Variants in TMC1 observed in about 807,000 individuals in gnomAD.
TMC1 encodes the protein transmembrane channel like 1, also known as transmembrane channel-like protein 1.
Under a neutral mutation model 105.8 loss-of-function variants are expected in TMC1, and 84 were observed. That is an observed-to-expected ratio of 0.79 (90% CI 0.67 to 0.95). TMC1 has a LOEUF of 0.95. Ranked by LOEUF, TMC1 falls within the 40% of genes least tolerant of loss-of-function variation. TMC1 has a pLI of 0.00. For missense variants in TMC1, 817 were observed against 914.1 expected, an observed-to-expected ratio of 0.89 and a Z score of 1.37; for synonymous variants, 315 against 311.5, an observed-to-expected ratio of 1.01 and a Z score of -0.12.
chr9:72,766,416 CAAAAA>C (rs397894474), intron 12 of TMC1, among the ~76,000 whole-genome samples: 3 of 68,632 alleles, frequency 4.4e-5, no homozygotes, highest in African/African-American at 5.2e-5. Context: ...GACTCTGTCT[CAAAAA>C]AAAAAAAAAA....
chr9:72,557,439 T>A (rs6560286), intron 1 of TMC1, among the ~76,000 whole-genome samples: 79,997 of 152,052 alleles, frequency 0.53, 22,028 homozygotes, highest in African/African-American at 0.7. Flanking sequence ...GGGATTATGA[T>A]AATTGTTTCT....
chr9:72,808,871 G>A (rs74521140), intron 18 of TMC1: 1 of 152,304 alleles, frequency 6.6e-6, no homozygotes, highest in Non-Finnish European at 1.5e-5. Flanking sequence ...CAAGATTTCA[G>A]GCTAGATCTG....
Position 72,788,356 on chromosome 9 carries a change from G to C in TMC1, c.902G>C (p.Gly301Ala), listed in dbSNP as rs773751182. The C allele has an allele frequency of 6.2e-7, 1 of 1,613,998 alleles. No individual in the cohort carries two copies. Among genetic ancestry groups the C allele is most frequent in the South Asian group, 1.1e-5 (1 of 91,074 alleles). Residue 301 changes from glycine to alanine, a missense_variant, in exon 14 of 24, where the codon GGT becomes GCT. Gly to Ala is a moderately conservative substitution (Grantham distance 60). Coordinates refer to ENST00000297784, the MANE Select transcript of TMC1 (RefSeq NM_138691.3). ...TTTTGCAGAATGACCAAAAACATTG[G>C]TGATGATGGAGGTGGAGATGACAAC... ...VVLKAMTKNIGDDGGGDDNTF... is the reference protein window; with the variant it reads ...VVLKAMTKNIADDGGGDDNTF...
chr9:72,698,055 T>C (rs913941269), intron 7 of TMC1, among the ~76,000 whole-genome samples: 2 of 151,546 alleles, frequency 1.3e-5, no homozygotes, highest in Admixed American at 1.3e-4. Flanking sequence ...AAAAAAAAAA[T>C]TGTGGATATA....
At chr9:72,538,451 T>TGTATCATA (rs1564397043) in intron 1 of TMC1, among the ~76,000 whole-genome samples, 2 of 146,942 alleles carry the variant, frequency 1.4e-5, no homozygotes, top group Admixed American at 7.0e-5. Flanking sequence ...TGTATCGTAT[T>TGTATCATA]TTTGAGACAG....
intron 2 of TMC1, among the ~76,000 whole-genome samples, chr9:72,611,921 T>C (rs1825031227): frequency 6.6e-6 from 1 of 152,150 alleles, no homozygotes. Flanking sequence ...TGTCCCGCTC[T>C]GTCCCCCACG....
intron 12 of TMC1, among the ~76,000 whole-genome samples, chr9:72,761,887 A>G (rs1032933938): frequency 6.6e-6 from 1 of 152,232 alleles, no homozygotes; most frequent in South Asian, 2.1e-4. Flanking sequence ...GTGGAATAAC[A>G]CATCTTTTGT....
At position 72,802,259 on chromosome 9, in the gene TMC1, A is replaced by T. The variant is rs188446849; in HGVS notation, c.1567-3123A>T. On this transcript the variant is annotated intron_variant, in intron 17 of 23. Transcript: ENST00000297784. Reference sequence around the variant, plus strand: ...CATACATACATACATACATATATACATACATACATACATACATACATACAT... The same window carrying T: ...CATACATACATACATACATATATACTTACATACATACATACATACATACAT... Among the ~76,000 whole-genome samples, 475 of 101,584 alleles carry T rather than the reference A, an allele frequency of 4.7e-3. 3 individuals are homozygous for T. The highest frequency in any genetic ancestry group is 0.019 in the African/African-American group (445 of 23,690). 66.6% of individuals were successfully genotyped at this position (101,584 alleles called of 152,430 possible). A position where few individuals can be genotyped will look rare whatever the true frequency, so the allele number is the denominator to read the frequency against.
In TMC1 at chr9:72,811,348, CAATGTAAGTTAATGT is replaced by C. The variant is rs545156191; in HGVS notation, c.1696-4779_1696-4765del. 2.6e-4 allele frequency among the ~76,000 whole-genome samples: 39 copies of C among 152,148 alleles called. No individual in the cohort carries two copies. In the South Asian group the frequency reaches 7.9e-3, roughly 31 times the overall value. On this transcript the variant is annotated intron_variant, in intron 18 of 23. Coordinates refer to ENST00000297784, the MANE Select transcript of TMC1 (RefSeq NM_138691.3). The stretch of plus-strand genomic sequence containing the variant: ...ACTGGCTTGGAGCAGATTACCAGAC[CAATGTAAGTTAATGT>C]AATGTAAGTTAATGTCTCCAAAGGC...
At chr9:72,600,897 G>A (rs1327800516) in intron 2 of TMC1, among the ~76,000 whole-genome samples, 2 of 152,250 alleles carry the variant, frequency 1.3e-5, no homozygotes, top group African/African-American at 2.4e-5. Flanking sequence ...CTGAGAACTG[G>A]CATTTCTGAC....
chr9:72,539,588 C>G (rs1463680845), intron 1 of TMC1, among the ~76,000 whole-genome samples: 1 of 152,128 alleles, frequency 6.6e-6, no homozygotes, highest in Non-Finnish European at 1.5e-5. Context: ...GAGACCTGCT[C>G]AGCCTTGCCT....
chr9:72,627,366 C>T (rs1451132541), intron 3 of TMC1, among the ~76,000 whole-genome samples: 1 of 152,086 alleles, frequency 6.6e-6, no homozygotes, highest in Non-Finnish European at 1.5e-5. Context: ...CAGTGGGGGT[C>T]AAGGCCTCCT....
At chr9:72,529,706 G>A (rs1823465947) in intron 1 of TMC1, among the ~76,000 whole-genome samples, 1 of 149,854 alleles carries the variant, frequency 6.7e-6, no homozygotes, top group Admixed American at 6.6e-5. Flanking sequence ...GGTTTTCACT[G>A]CCTTTGGGAA....
chr9:72,826,120 C>A (rs1178054785), intron 20 of TMC1, among the ~76,000 whole-genome samples: 1 of 152,182 alleles, frequency 6.6e-6, no homozygotes, highest in African/African-American at 2.4e-5. Flanking sequence ...AAAATTACAT[C>A]TTTTCGTAGT....
intron 17 of TMC1, among the ~76,000 whole-genome samples, chr9:72,798,280 G>C (rs947242683): frequency 3.3e-5 from 5 of 152,150 alleles, no homozygotes; most frequent in African/African-American, 1.2e-4. Context: ...ATGTAAAATA[G>C]TTCAACCATT....
intron 1 of TMC1, among the ~76,000 whole-genome samples, chr9:72,525,034 G>T (rs1374096199): frequency 6.6e-6 from 1 of 152,170 alleles, no homozygotes; most frequent in Non-Finnish European, 1.5e-5. Flanking sequence ...GAAAGATACG[G>T]TCCAGAAGGC....
At chr9:72,639,120 A>G (rs1268950795) in intron 4 of TMC1, among the ~76,000 whole-genome samples, 2 of 152,196 alleles carry the variant, frequency 1.3e-5, no homozygotes, top group East Asian at 1.9e-4. Flanking sequence ...GTGAAGTTAT[A>G]TAAATGTGTA....
At chr9:72,711,340 C>T (rs1826831532) in intron 8 of TMC1, among the ~76,000 whole-genome samples, 2 of 152,154 alleles carry the variant, frequency 1.3e-5, no homozygotes, top group Non-Finnish European at 2.9e-5. Flanking sequence ...GAGGAATTGC[C>T]ACACTGTCTT....
intron 17 of TMC1, among the ~76,000 whole-genome samples, chr9:72,797,414 A>G (rs1467353704): frequency 6.6e-6 from 1 of 152,202 alleles, no homozygotes; most frequent in East Asian, 1.9e-4. Flanking sequence ...TAGCCAAGAC[A>G]ATCCAAAGAA....
Sources: gnomAD v4.1 joint callset for allele counts (sites outside exome capture counted in the v4.1 genomes callset) on GRCh38, gnomAD v4.1.1 for gene constraint, MANE v1.5 for transcripts, NCBI Gene and HGNC (gene_info 2026-07-23, HGNC 2026-07-21) for gene names.